Variants in NGF observed in about 807,000 individuals in gnomAD.
NGF encodes beta-nerve growth factor.
NGF carries 4 observed loss-of-function variants against 12.8 expected under a neutral mutation model. The ratio of observed to expected loss-of-function variants is 0.31; its 90% CI spans 0.15 to 0.72. NGF has a LOEUF of 0.72. NGF is among the 30% of genes least tolerant of loss of function. NGF has a pLI of 0.69. For missense variants in NGF, 283 were observed against 330.8 expected, an observed-to-expected ratio of 0.86 and a Z score of 1.12; for synonymous variants, 140 against 130.0, an observed-to-expected ratio of 1.08 and a Z score of -0.52.
intron 1 of NGF, among the ~76,000 whole-genome samples, chr1:115,303,893 A>G (rs1385403700): frequency 6.6e-6 from 1 of 152,036 alleles, no homozygotes; most frequent in African/African-American, 2.4e-5. Flanking sequence ...AGGTCCATAT[A>G]ACCTCCAACT....
At chr1:115,317,123 A>AT (rs1654494627) in intron 1 of NGF, among the ~76,000 whole-genome samples, 1 of 152,146 alleles carries the variant, frequency 6.6e-6, no homozygotes, top group African/African-American at 2.4e-5. Context: ...AAAAAAAAAA[A>AT]ATGCAGTTTT....
At chr1:115,306,793 T>C (rs2101037686) in intron 1 of NGF, among the ~76,000 whole-genome samples, 1 of 152,306 alleles carries the variant, frequency 6.6e-6, no homozygotes, top group Middle Eastern at 3.4e-3. Context: ...TGGTGCAAAT[T>C]AGAGGAAGGC....
Position 115,286,149 on chromosome 1 carries a change from T to C in NGF, c.647A>G (p.Lys216Arg). The C allele has an allele frequency of 6.2e-7, 1 of 1,613,790 alleles. No individual in the cohort carries two copies. Among genetic ancestry groups the C allele is most frequent in the Non-Finnish European group, 8.5e-7 (1 of 1,179,712 alleles). ...CCGGATAAACCGCCAGGCAGCCTGCTTGCCATCCATGGTCAGCGCCTTGAC... is the reference window on the plus strand; with the variant it reads ...CCGGATAAACCGCCAGGCAGCCTGCCTGCCATCCATGGTCAGCGCCTTGAC... ...TFVKALTMDGKQAAWRFIRID... is the reference protein window; with the variant it reads ...TFVKALTMDGRQAAWRFIRID... The change falls in exon 3 of 3, where the codon AAG (lysine) becomes AGG (arginine). Residue 216 changes from lysine (K) to arginine (R), a missense_variant. Coordinates refer to ENST00000369512, the MANE Select transcript of NGF (RefSeq NM_002506.3).
rs533696309 is a variant in NGF, at chr1:115,324,515, T to C, written c.-137+13689A>G. On this transcript the variant is annotated intron_variant, in intron 1 of 2. Coordinates refer to ENST00000369512, the MANE Select transcript of NGF (RefSeq NM_002506.3). ...CTGAGCCAACCTGAGCTTCGGCTTCTCTTTCCTGGCCCTGCTTCTCTCCTA... is the reference window on the plus strand; with the variant it reads ...CTGAGCCAACCTGAGCTTCGGCTTCCCTTTCCTGGCCCTGCTTCTCTCCTA... Among the ~76,000 whole-genome samples the C allele has an allele frequency of 2.6e-5, 4 of 152,276 alleles. No individual in the cohort carries two copies. In the South Asian group the frequency reaches 8.3e-4, roughly 32 times the overall value.
chr1:115,315,419 T>A lies in NGF; in HGVS notation c.-136-21669A>T, dbSNP rs1295748260. Among the ~76,000 whole-genome samples the A allele has an allele frequency of 3.3e-5, 5 of 151,666 alleles. No homozygotes were observed. The East Asian group carries it at 5.8e-4, about 18-fold the overall frequency. ...AGTGGGATATATTGGAGGAATAGGG[T>A]CAAAAGGACTTCCTGACAGACTGTG... is the stretch of plus-strand genomic sequence containing the variant. On this transcript the variant is annotated intron_variant, in intron 1 of 2. Transcript: ENST00000369512.
intron 1 of NGF, among the ~76,000 whole-genome samples, chr1:115,302,966 TC>T (rs1654087431): frequency 6.6e-6 from 1 of 152,254 alleles, no homozygotes; most frequent in South Asian, 2.1e-4. Context: ...AGCCCTGCTT[TC>T]TTTTTAGCTA....
intron 1 of NGF, among the ~76,000 whole-genome samples, chr1:115,332,694 A>C (rs1478849345): frequency 1.3e-5 from 2 of 152,106 alleles, no homozygotes; most frequent in East Asian, 1.9e-4. Flanking sequence ...GCTACTACTA[A>C]TATCTTTGTC....
intron 2 of NGF, among the ~76,000 whole-genome samples, chr1:115,292,635 CAGCTT>C (rs1264827898): frequency 2.0e-5 from 3 of 152,164 alleles, no homozygotes; most frequent in Non-Finnish European, 2.9e-5. Flanking sequence ...GACTTGAGCT[CAGCTT>C]TGCTATCTTT....
At chr1:115,337,261 G>GTTTTTTTT (rs368973980) in intron 1 of NGF, among the ~76,000 whole-genome samples, 10 of 11,754 alleles carry the variant, frequency 8.5e-4, no homozygotes, top group Non-Finnish European at 1.3e-3. Context: ...TTTTTGTTTT[G>GTTTTTTTT]TTTTTGTTTT....
intron 1 of NGF, among the ~76,000 whole-genome samples, chr1:115,337,261 G>GTTTTTTTTTTTTTTTTTTTTT: frequency 8.5e-5 from 1 of 11,758 alleles, no homozygotes; most frequent in Admixed American, 1.0e-3. Flanking sequence ...TTTTTGTTTT[G>GTTTTTTTTTTTTTTTTTTTTT]TTTTTGTTTT....
intron 1 of NGF, among the ~76,000 whole-genome samples, chr1:115,315,610 A>T (rs1477393044): frequency 6.6e-5 from 10 of 152,340 alleles, no homozygotes; most frequent in East Asian, 5.8e-4. Flanking sequence ...AGATACCTAT[A>T]TACTGAGATA....
intron 1 of NGF, among the ~76,000 whole-genome samples, chr1:115,315,003 T>C (rs1654438215): frequency 6.6e-6 from 1 of 152,082 alleles, no homozygotes. Context: ...TATGCAGAAA[T>C]GTGGGAAGGA....
At chr1:115,326,814 G>A (rs895129984) in intron 1 of NGF, among the ~76,000 whole-genome samples, 1 of 152,140 alleles carries the variant, frequency 6.6e-6, no homozygotes, top group Admixed American at 6.5e-5. Context: ...TCCTGGTCCA[G>A]GTTTTCCCAT....
At chr1:115,302,293 A>G (rs1654060078) in intron 1 of NGF, among the ~76,000 whole-genome samples, 1 of 152,234 alleles carries the variant, frequency 6.6e-6, no homozygotes, top group Admixed American at 6.5e-5. Flanking sequence ...CAGAGGAACT[A>G]AGAATCTAAG....
At chr1:115,318,252 T>A (rs77163957) in intron 1 of NGF, among the ~76,000 whole-genome samples, 1,961 of 152,312 alleles carry the variant, frequency 0.013, 17 homozygotes, top group Non-Finnish European at 0.021. Context: ...TCCCCTTAGC[T>A]AGATGCCCTA....
Position 115,286,435 on chromosome 1 carries a change from G to T in NGF, c.361C>A (p.Arg121=). Residue 121 remains arginine (R), a synonymous_variant, in exon 3 of 3, where the codon CGG becomes AGG. Coordinates refer to ENST00000369512, the MANE Select transcript of NGF (RefSeq NM_002506.3). ...TGGAAGATGGGATGGGATGATGACC[G>T]CTTGCTCCTGTGAGTCCTGTTGAAG... ...APFNRTHRSK[R]SSSHPIFHRG... is the part of the protein sequence containing the mutation. 1 of 1,613,612 alleles carries T rather than the reference G, an allele frequency of 6.2e-7. No individual in the cohort carries two copies. The highest frequency in any genetic ancestry group is 8.5e-7 in the Non-Finnish European group (1 of 1,179,888).
At position 115,286,244 on chromosome 1, in the gene NGF, G is replaced by A. The variant is rs532714783; in HGVS notation, c.552C>T (p.Pro184=). Residue 184 remains proline, a synonymous_variant, in exon 3 of 3, where the codon CCC becomes CCT. Coordinates refer to ENST00000369512, the MANE Select transcript of NGF (RefSeq NM_002506.3). ...FFETKCRDPN[P]VDSGCRGIDS... is the part of the protein sequence containing the mutation. ...CAATGCCCCGGCACCCGCTGTCAACGGGATTTGGGTCCCGGCACTTGGTCT... is the reference window on the plus strand; with the variant it reads ...CAATGCCCCGGCACCCGCTGTCAACAGGATTTGGGTCCCGGCACTTGGTCT... 23 of 1,614,046 alleles carry A rather than the reference G, an allele frequency of 1.4e-5. No individual in the cohort carries two copies. The highest frequency in any genetic ancestry group is 2.7e-5 in the African/African-American group (2 of 74,910).
chr1:115,330,098 G>A (rs1462962752), intron 1 of NGF, among the ~76,000 whole-genome samples: 1 of 152,134 alleles, frequency 6.6e-6, no homozygotes, highest in Non-Finnish European at 1.5e-5. Flanking sequence ...TATGGCAGTT[G>A]ATTAGAAGTG....
chr1:115,326,693 G>A (rs888723486), intron 1 of NGF, among the ~76,000 whole-genome samples: 6 of 152,136 alleles, frequency 3.9e-5, no homozygotes, highest in South Asian at 2.1e-4. Flanking sequence ...CTGCTACTGC[G>A]TTTGGAATGG....
Sources: allele counts gnomAD v4.1 joint callset (sites outside exome capture counted in the v4.1 genomes callset), GRCh38; gene constraint gnomAD v4.1.1; transcripts MANE v1.5; gene names NCBI Gene and HGNC (gene_info 2026-07-23, HGNC 2026-07-21).